Variants in TMEM65 observed in about 807,000 individuals in gnomAD.
The protein encoded by TMEM65 is transmembrane protein 65.
In TMEM65, 22 loss-of-function variants were observed where a neutral mutation model predicts 25.4. That is an observed-to-expected ratio of 0.86 (90% CI 0.62 to 1.23). The LOEUF is 1.23. TMEM65 is among the 50% of genes most tolerant of loss of function. The pLI, the probability that TMEM65 is intolerant of heterozygous loss-of-function variation, is 0.00. For missense variants in TMEM65, 262 were observed against 308.2 expected (o/e 0.85, Z 1.12); for synonymous variants, 132 against 126.2 (o/e 1.05, Z -0.31).
At chr8:124,351,156 CAAAAT>C in intron 1 of TMEM65, 1 of 953,082 alleles carries the variant, frequency 1.0e-6, no homozygotes, top group East Asian at 1.2e-4. Context: ...ATGCATGCAA[CAAAAT>C]AAATAATATA....
intron 2 of TMEM65, 120 bp from the exon 3 acceptor site, chr8:124,327,541 C>T: frequency 1.6e-6 from 1 of 632,690 alleles, no homozygotes; most frequent in Non-Finnish European, 2.6e-6. Context: ...ATTTGATTCT[C>T]ATTTTCCAGA....
intron 1 of TMEM65, among the ~76,000 whole-genome samples, chr8:124,336,896 C>T (rs934462175): frequency 1.3e-5 from 2 of 151,356 alleles, no homozygotes; most frequent in African/African-American, 2.4e-5. Flanking sequence ...TACTGATAGA[C>T]AAAAAGAGAA....
At chr8:124,349,893 A>T (rs1418828878) in intron 1 of TMEM65, among the ~76,000 whole-genome samples, 1 of 152,190 alleles carries the variant, frequency 6.6e-6, no homozygotes, top group African/African-American at 2.4e-5. Context: ...TTAATAGAAT[A>T]AAATTTGAAT....
chr8:124,340,767 T>G (rs1030261991), intron 1 of TMEM65, among the ~76,000 whole-genome samples: 1 of 152,116 alleles, frequency 6.6e-6, no homozygotes. Context: ...GTTTTAACAT[T>G]CTTATCATCA....
rs1335321122 is a variant in TMEM65 at position 124,307,084 on chromosome 8, C to T, written c.*6876G>A. On this transcript the variant is annotated 3_prime_UTR_variant, in exon 7 of 7. Transcript: ENST00000297632. ...ATAAGATTAACTATAGTACATACTGCACTACTACCATAATTTCAGAGCTAC... is the reference window on the plus strand; with the variant it reads ...ATAAGATTAACTATAGTACATACTGTACTACTACCATAATTTCAGAGCTAC... 3 of 152,202 alleles carry T rather than the reference C, an allele frequency of 2.0e-5. No homozygotes were observed. Among genetic ancestry groups the T allele is most frequent in the African/African-American group, 7.2e-5 (3 of 41,440 alleles). The allele number at this position is 152,202 out of a possible 1,614,324, so 9.4% of individuals were successfully genotyped here.
chr8:124,336,185 T>C (rs1408031078), intron 1 of TMEM65, among the ~76,000 whole-genome samples: 1 of 152,074 alleles, frequency 6.6e-6, no homozygotes, highest in Non-Finnish European at 1.5e-5. Context: ...TGCATGTTTA[T>C]GCCTAATAAC....
intron 1 of TMEM65, among the ~76,000 whole-genome samples, chr8:124,336,237 G>A (rs1814504898): frequency 6.6e-6 from 1 of 151,958 alleles, no homozygotes; most frequent in Non-Finnish European, 1.5e-5. Context: ...CAGAATTAAA[G>A]GGCAAAACAA....
In TMEM65 at chr8:124,371,993, GC is replaced by G; in HGVS notation, c.164del (p.Gly55AlafsTer12). Reference protein sequence around the residue: ...GGLPGGPRRLGTHPKKEPMEA... With the variant: ...GGLPGGPRRLXTHPKKEPMEA... The stretch of plus-strand genomic sequence containing the variant: ...CCATGGGCTCCTTCTTGGGGTGCGT[GC>G]CCAGCCGCCTGGGGCCGCCCGGCAA... On this transcript the variant is annotated frameshift_variant, in exon 1 of 7. Transcript: ENST00000297632. LOFTEE classifies it high-confidence loss of function. The G allele has an allele frequency of 1.4e-6, 2 of 1,402,944 alleles. No individual in the cohort carries two copies. Among genetic ancestry groups the G allele is most frequent in the Non-Finnish European group, 9.3e-7 (1 of 1,073,834 alleles). 86.9% of individuals were successfully genotyped at this position (1,402,944 alleles called of 1,614,324 possible). A position where few individuals can be genotyped will look rare whatever the true frequency, so the allele number is the denominator to read the frequency against.
chr8:124,334,031 T>G (rs937801077), intron 1 of TMEM65, among the ~76,000 whole-genome samples: 1 of 152,106 alleles, frequency 6.6e-6, no homozygotes. Flanking sequence ...CAGGGAAAAC[T>G]CCAAAAATAC....
intron 1 of TMEM65, among the ~76,000 whole-genome samples, chr8:124,363,585 C>A (rs1283670424): frequency 6.6e-6 from 1 of 152,094 alleles, no homozygotes; most frequent in Non-Finnish European, 1.5e-5. Context: ...CGCCTGTAAT[C>A]CCAGCACTTT....
At chr8:124,320,763 A>C (rs1241931820) in intron 5 of TMEM65, among the ~76,000 whole-genome samples, 2 of 152,178 alleles carry the variant, frequency 1.3e-5, no homozygotes, top group Non-Finnish European at 2.9e-5. Flanking sequence ...GAAAGAAAAA[A>C]TATTGCTAAT....
chr8:124,335,280 A>G (rs1317452886), intron 1 of TMEM65, among the ~76,000 whole-genome samples: 1 of 152,204 alleles, frequency 6.6e-6, no homozygotes, highest in Non-Finnish European at 1.5e-5. Context: ...TTAAGAATGA[A>G]GGCAAAATGT....
At chr8:124,371,829 C>T (rs757589577) in intron 1 of TMEM65, 25 bp downstream of exon 1, 3 of 1,499,122 alleles carry the variant, frequency 2.0e-6, no homozygotes, top group East Asian at 5.7e-5. Flanking sequence ...GGCCCCCGGG[C>T]TCGCCCCCCA....
chr8:124,319,667 C>T (rs180781979), intron 6 of TMEM65, among the ~76,000 whole-genome samples: 169 of 152,142 alleles, frequency 1.1e-3, no homozygotes, highest in African/African-American at 1.1e-3. Flanking sequence ...AAAGAAGTTA[C>T]TCCCCACAGT....
intron 1 of TMEM65, among the ~76,000 whole-genome samples, chr8:124,346,430 A>G (rs1418615521): frequency 6.6e-6 from 1 of 151,950 alleles, no homozygotes; most frequent in Non-Finnish European, 1.5e-5. Context: ...TTCCTAGTCT[A>G]TTTTTTTTAT....
rs1814194825 is a variant in TMEM65 at position 124,313,631 on chromosome 8, T to A, written c.*329A>T. On this transcript the variant is annotated 3_prime_UTR_variant, in exon 7 of 7. Transcript: ENST00000297632. The stretch of plus-strand genomic sequence containing the variant: ...AAAAATGCTTTCATGCATGTACACA[T>A]GTTAAGTAACAAATAAGCAAACCCC... 1 of 183,532 alleles carries A rather than the reference T, an allele frequency of 5.4e-6. No homozygotes were observed. Among genetic ancestry groups the A allele is most frequent in the South Asian group, 1.4e-4 (1 of 6,908 alleles). The allele number at this position is 183,532 out of a possible 1,614,324, so 11.4% of individuals were successfully genotyped here. A position where few individuals can be genotyped will look rare whatever the true frequency, so the allele number is the denominator to read the frequency against.
Position 124,371,925 on chromosome 8 carries a change from C to A in TMEM65, c.233G>T (p.Ser78Ile). ...TAQGARDFIY[S>I]LHSTERSCLL... is the part of the protein sequence containing the mutation. ...GCAGCTCCTCTCCGTGGAGTGCAGG[C>A]TGTAGATGAAGTCGCGCGCGCCCTG... The change falls in exon 1 of 7, where the codon AGC (serine) becomes ATC (isoleucine). Residue 78 changes from serine to isoleucine, a missense_variant. Coordinates refer to ENST00000297632, the MANE Select transcript of TMEM65 (RefSeq NM_194291.3). 6.5e-7 allele frequency: 1 copy of A among 1,534,940 alleles called. No homozygotes were observed. The highest frequency in any genetic ancestry group is 8.7e-7 in the Non-Finnish European group (1 of 1,144,898).
chr8:124,372,016 G>C lies in TMEM65; in HGVS notation c.142C>G (p.Pro48Ala). ...LLALAPPGGL[P>A]GGPRRLGTHP... ...GTGCCCAGCCGCCTGGGGCCGCCCG[G>C]CAAGCCGCCGGGGGGCGCGAGCGCC... Residue 48 changes from proline (P) to alanine (A), a missense_variant, in exon 1 of 7, where the codon CCG (proline) becomes GCG (alanine). By Grantham distance (27) the Pro-to-Ala change is conservative. Coordinates refer to ENST00000297632, the MANE Select transcript of TMEM65 (RefSeq NM_194291.3). 1 of 1,305,250 alleles carries C rather than the reference G, an allele frequency of 7.7e-7. No homozygotes were observed. 80.9% of individuals were successfully genotyped at this position (1,305,250 alleles called of 1,614,324 possible). A position where few individuals can be genotyped will look rare whatever the true frequency, so the allele number is the denominator to read the frequency against.
Position 124,342,791 on chromosome 8 carries a change from G to GT in TMEM65, c.305-12000dup, listed in dbSNP as rs571214821. 9.9e-5 allele frequency among the ~76,000 whole-genome samples: 15 copies of GT among 152,202 alleles called. No individual in the cohort carries two copies. The South Asian group carries it at 3.1e-3, about 32-fold the overall frequency. Reference sequence around the variant, plus strand: ...ATTGCTAAAGTGGTTTATAACTAATGTTTGGTTTGGCAAACCCATAATTCT... The same window carrying GT: ...ATTGCTAAAGTGGTTTATAACTAATGTTTTGGTTTGGCAAACCCATAATTCT... On this transcript the variant is annotated intron_variant, in intron 1 of 6. Coordinates refer to ENST00000297632, the MANE Select transcript of TMEM65 (RefSeq NM_194291.3).
Sources: gnomAD v4.1 joint callset for allele counts (sites outside exome capture counted in the v4.1 genomes callset) on GRCh38, gnomAD v4.1.1 for gene constraint, MANE v1.5 for transcripts, NCBI Gene and HGNC (gene_info 2026-07-23, HGNC 2026-07-21) for gene names.